RABGEF1: variants seen among roughly 807,000 people sequenced by gnomAD.
RABGEF1 encodes RAB guanine nucleotide exchange factor 1.
In RABGEF1, 26 loss-of-function variants were observed where a neutral mutation model predicts 57.3. The observed-to-expected ratio is 0.45, with a 90% CI of 0.33 to 0.63. The LOEUF (loss-of-function observed/expected upper bound fraction) is 0.63, where lower values mean the gene tolerates loss of function less well. Ranked by LOEUF, RABGEF1 falls within the 20% of genes least tolerant of loss-of-function variation. RABGEF1 has a pLI of 0.02. For missense variants in RABGEF1, 464 were observed against 607.6 expected, an observed-to-expected ratio of 0.76 and a Z score of 2.48; for synonymous variants, 185 against 210.7, an observed-to-expected ratio of 0.88 and a Z score of 1.06.
intron 3 of RABGEF1, among the ~76,000 whole-genome samples, chr7:66,779,953 G>C (rs1483284444): frequency 1.3e-5 from 2 of 152,150 alleles, no homozygotes; most frequent in African/African-American, 2.4e-5. Flanking sequence ...TTTTTAGGAA[G>C]CTTGGAGAAA....
chr7:66,736,481 C>G (rs911253196), upstream of RABGEF1, among the ~76,000 whole-genome samples: 3 of 152,108 alleles, frequency 2.0e-5, no homozygotes, highest in Non-Finnish European at 4.4e-5. Flanking sequence ...ACAATGTGAG[C>G]AAGAGCACTA....
chr7:66,661,584 G>GT, the RABGEF1 span, among the ~76,000 whole-genome samples: 1 of 151,906 alleles, frequency 6.6e-6, no homozygotes, highest in South Asian at 2.1e-4. Flanking sequence ...AAAAAAGAAA[G>GT]TAGGGGTAAA....
At position 66,809,388 on chromosome 7, in the gene RABGEF1, C is replaced by CAG. The variant is rs56400761; in HGVS notation, c.*105_*106dup. ...ATGTAACTAAATTGCTTATAAATGT[C>CAG]AGCATTTTTTAAAGGTACAGTATAT... On this transcript the variant is annotated 3_prime_UTR_variant, in exon 9 of 9. Coordinates refer to ENST00000284957, the MANE Select transcript of RABGEF1 (RefSeq NM_014504.3). The CAG allele has an allele frequency of 1, 1,315,289 of 1,315,422 alleles. 657,578 individuals carry two copies. Among genetic ancestry groups the CAG allele is most frequent in the Middle Eastern group, 1 (5,244 of 5,244 alleles). The allele number at this position is 1,315,422 out of a possible 1,614,324, so 81.5% of individuals were successfully genotyped here.
At chr7:66,775,116 T>A in intron 2 of RABGEF1, 111 bp from the exon 3 acceptor site, 1 of 1,174,938 alleles carries the variant, frequency 8.5e-7, no homozygotes, top group East Asian at 2.5e-5. Context: ...GCATATTTAG[T>A]CTCTAGGTCT....
chr7:66,772,233 G>A (rs983944834), intron 2 of RABGEF1, among the ~76,000 whole-genome samples, 155 bp downstream of exon 2: 1 of 152,122 alleles, frequency 6.6e-6, no homozygotes, highest in Non-Finnish European at 1.5e-5. Flanking sequence ...TTCTCAGTCA[G>A]CTTTTAATGA....
At chr7:66,777,397 A>G (rs985839989) in intron 3 of RABGEF1, among the ~76,000 whole-genome samples, 2 of 151,990 alleles carry the variant, frequency 1.3e-5, no homozygotes, top group African/African-American at 4.8e-5. Context: ...TTTTTCCATT[A>G]TATTCCTTTA....
upstream of RABGEF1, among the ~76,000 whole-genome samples, chr7:66,681,868 T>G (rs1467413872): frequency 6.6e-6 from 1 of 152,030 alleles, no homozygotes. Context: ...CTCCCGCTGC[T>G]GCGCATCGGG....
At chr7:66,797,664 C>T (rs1408898416) in intron 6 of RABGEF1, among the ~76,000 whole-genome samples, 158 bp downstream of exon 6, 2 of 152,202 alleles carry the variant, frequency 1.3e-5, no homozygotes, top group Non-Finnish European at 2.9e-5. Flanking sequence ...GTAAGAAAGA[C>T]GAGGAATGTG....
chr7:66,736,718 A>C (rs1479771594), upstream of RABGEF1, among the ~76,000 whole-genome samples: 1 of 152,064 alleles, frequency 6.6e-6, no homozygotes, highest in Admixed American at 6.6e-5. Context: ...AAAATTAGCC[A>C]GGTGTGGTGG....
chr7:66,738,342 CAAAG>C (rs1798290914), upstream of RABGEF1, among the ~76,000 whole-genome samples: 1 of 152,098 alleles, frequency 6.6e-6, no homozygotes, highest in South Asian at 2.1e-4. Flanking sequence ...TTAACCTTCA[CAAAG>C]AAACTTTGAA....
At chr7:66,791,973 G>A (rs1812776194) in intron 4 of RABGEF1, among the ~76,000 whole-genome samples, 2 of 152,108 alleles carry the variant, frequency 1.3e-5, no homozygotes, top group East Asian at 3.9e-4. Context: ...TTAGCTGGGC[G>A]TGGTGGCACA....
At chr7:66,691,954 G>C (rs577999334) in intron 1 of RABGEF1, among the ~76,000 whole-genome samples, 42 of 152,256 alleles carry the variant, frequency 2.8e-4, no homozygotes, top group African/African-American at 1.0e-3. Context: ...CTACTGTGGA[G>C]GCTGAGGTGA....
At chr7:66,761,837 C>T (rs1211670338) in intron 1 of RABGEF1, among the ~76,000 whole-genome samples, 9 of 152,042 alleles carry the variant, frequency 5.9e-5, no homozygotes, top group African/African-American at 2.2e-4. Context: ...GGTCACTTGA[C>T]GTCAGGAGTT....
rs1374327332 is a variant in RABGEF1 at position 66,775,235 on chromosome 7, G to A, written c.188G>A (p.Arg63Gln). 2.5e-6 allele frequency: 4 copies of A among 1,612,190 alleles called. No individual in the cohort carries two copies. The highest frequency in any genetic ancestry group is 1.7e-5 in the Admixed American group (1 of 59,546). ...EDWELAERLQ[R>Q]EEEEAFASSQ... Reference sequence around the variant, plus strand: ...CCTCTCTTGAATTGCAGACTCCAGCGGGAGGAAGAAGAGGCCTTTGCCAGC... The same window carrying A: ...CCTCTCTTGAATTGCAGACTCCAGCAGGAGGAAGAAGAGGCCTTTGCCAGC... The change falls in exon 3 of 9, where the codon CGG (arginine) becomes CAG (glutamine). Residue 63 changes from arginine (R) to glutamine (Q), a missense_variant. By Grantham distance (43) the Arg-to-Gln change is conservative. Around this residue, in one of 4 missense-constraint regions of RABGEF1, gnomAD observed 284 missense variants for 389.9 expected, o/e 0.73. Coordinates refer to ENST00000284957, the MANE Select transcript of RABGEF1 (RefSeq NM_014504.3).
At chr7:66,658,527 C>T in the RABGEF1 span, among the ~76,000 whole-genome samples, 5 of 131,690 alleles carry the variant, frequency 3.8e-5, no homozygotes, top group South Asian at 2.4e-4. Flanking sequence ...AGTGAGACTT[C>T]GTCTCCAAAA....
intron 1 of RABGEF1, chr7:66,748,886 C>G (rs1180037851): frequency 8.2e-6 from 2 of 245,060 alleles, no homozygotes; most frequent in Admixed American, 8.3e-5. Context: ...TATTGAAACC[C>G]TCACAGAGTT....
chr7:66,748,643 C>G (rs1381395095), intron 1 of RABGEF1, among the ~76,000 whole-genome samples: 2 of 152,104 alleles, frequency 1.3e-5, no homozygotes, highest in Non-Finnish European at 2.9e-5. Flanking sequence ...CAAACATCTA[C>G]CCAGCCATCT....
upstream of RABGEF1, among the ~76,000 whole-genome samples, chr7:66,738,882 A>G (rs1798382212): frequency 6.6e-6 from 1 of 152,194 alleles, no homozygotes; most frequent in Non-Finnish European, 1.5e-5. Context: ...CCACCATCCA[A>G]GGTACTACTG....
intron 1 of RABGEF1, among the ~76,000 whole-genome samples, chr7:66,683,073 G>T (rs1790032046): frequency 1.3e-5 from 2 of 152,164 alleles, no homozygotes; most frequent in Admixed American, 6.6e-5. Context: ...GAGTTTACCG[G>T]AGCACCTTGG....
Sources: gnomAD v4.1 joint callset for allele counts (sites outside exome capture counted in the v4.1 genomes callset) on GRCh38, gnomAD v4.1.1 for gene constraint, gnomAD v4.1.1 regional missense constraint, MANE v1.5 for transcripts, NCBI Gene and HGNC (gene_info 2026-07-23, HGNC 2026-07-21) for gene names.